Variants in CNKSR2 observed in about 807,000 individuals in gnomAD.
The protein encoded by CNKSR2 is connector enhancer of kinase suppressor of Ras 2, also known as CNK homolog protein 2.
Under a neutral mutation model 84.4 loss-of-function variants are expected in CNKSR2, and 14 were observed. The ratio of observed to expected loss-of-function variants is 0.17; its 90% confidence interval spans 0.11 to 0.26. CNKSR2 has a LOEUF of 0.26. CNKSR2 is among the 10% of genes least tolerant of loss of function. The probability of loss-of-function intolerance (pLI) is 1.00; values close to 1 mark genes in which losing one functional copy is unlikely to be tolerated. For missense variants in CNKSR2, 485 were observed against 771.2 expected (o/e 0.63, Z 4.40); for synonymous variants, 275 against 277.9 (o/e 0.99, Z 0.10).
chrX:21,561,516 G>A lies in CNKSR2; in HGVS notation c.1349G>A (p.Gly450Glu). ...ISMPVEYNWV[G>E]DYEDPNKMKR... ...ATGCCAGTGGAATATAATTGGGTGG[G>A]GGACTATGAAGATCCAAATAAGATG... The change falls in exon 12 of 22, where the codon GGG becomes GAG. Residue 450 changes from glycine (G) to glutamate (E), a missense_variant. Coordinates refer to ENST00000379510, the MANE Select transcript of CNKSR2 (RefSeq NM_014927.5). 8.3e-7 allele frequency: 1 copy of A among 1,206,833 alleles called. No homozygotes were observed. Among genetic ancestry groups the A allele is most frequent in the Non-Finnish European group, 1.1e-6 (1 of 892,001 alleles).
At chrX:21,378,439 CATCT>C (rs2089851221) in intron 1 of CNKSR2, among the ~76,000 whole-genome samples, 1 of 111,123 alleles carries the variant, frequency 9.0e-6, no homozygotes, top group Non-Finnish European at 1.9e-5. Flanking sequence ...ATTTTTCCTC[CATCT>C]GTTATTCTAA....
chrX:21,481,497 T>C (rs1202982721), intron 5 of CNKSR2, among the ~76,000 whole-genome samples: 1 of 111,793 alleles, frequency 8.9e-6, no homozygotes, highest in Non-Finnish European at 1.9e-5. Context: ...TGTCCCCTGG[T>C]ATATAACTGC....
At chrX:21,512,569 A>G (rs1403350874) in intron 8 of CNKSR2, among the ~76,000 whole-genome samples, 1 of 111,417 alleles carries the variant, frequency 9.0e-6, no homozygotes. Flanking sequence ...GCAAAAGACT[A>G]GAAGCAGAAA....
intron 1 of CNKSR2, among the ~76,000 whole-genome samples, chrX:21,393,655 A>G (rs1011262532): frequency 4.4e-5 from 5 of 112,456 alleles, no homozygotes; most frequent in African/African-American, 1.6e-4. Context: ...AAATTGTGTG[A>G]TTTGCATGAC....
At chrX:21,603,725 C>T (rs1373844246) in intron 18 of CNKSR2, among the ~76,000 whole-genome samples, 1 of 112,374 alleles carries the variant, frequency 8.9e-6, no homozygotes, top group Non-Finnish European at 1.9e-5. Context: ...TGTATTTTTT[C>T]CAGCTTCAAG....
intron 11 of CNKSR2, chrX:21,538,318 TTC>T (rs1349105980): frequency 2.1e-4 from 23 of 111,939 alleles, no homozygotes; most frequent in African/African-American, 7.4e-4. Flanking sequence ...CTGATGGAGG[TTC>T]TTTTTATGTG....
At chrX:21,615,607 TAA>T (rs1464324416) in intron 20 of CNKSR2, among the ~76,000 whole-genome samples, 2 of 112,034 alleles carry the variant, frequency 1.8e-5, no homozygotes, top group Non-Finnish European at 3.8e-5. Flanking sequence ...TGACACATTA[TAA>T]GTCTGTCCAG....
chrX:21,496,844 A>G (rs1307903915), intron 6 of CNKSR2, among the ~76,000 whole-genome samples: 1 of 111,262 alleles, frequency 9.0e-6, no homozygotes, highest in Non-Finnish European at 1.9e-5. Context: ...AGTATTTTGA[A>G]ATGCAAACCA....
intron 6 of CNKSR2, chrX:21,492,832 C>G (rs746894184): frequency 8.9e-6 from 1 of 111,835 alleles, no homozygotes; most frequent in Non-Finnish European, 1.9e-5. Flanking sequence ...AACTCAGTCA[C>G]GTTTAAGTAA....
In CNKSR2 at chrX:21,561,559, AG is replaced by A; in HGVS notation, c.1393+1del. 1 of 1,181,881 alleles carries A rather than the reference AG, an allele frequency of 8.5e-7. No homozygotes were observed. Among genetic ancestry groups the A allele is most frequent in the East Asian group, 3.0e-5 (1 of 33,547 alleles). ...ATAAGATGAAGAGAGATAGTAGAAGAGGTAAGTGTTCTAGAATTTCAGTGTA... is the reference window on the plus strand; with the variant it reads ...ATAAGATGAAGAGAGATAGTAGAAGAGTAAGTGTTCTAGAATTTCAGTGTA... ...PNKMKRDSRR[E>X]NSLLRYMSNE... is the part of the protein sequence containing the mutation. On this transcript the variant is annotated frameshift_variant and splice_region_variant, in exon 12 of 22. Coordinates refer to ENST00000379510, the MANE Select transcript of CNKSR2 (RefSeq NM_014927.5). LOFTEE classifies it high-confidence loss of function.
intron 1 of CNKSR2, among the ~76,000 whole-genome samples, chrX:21,392,799 T>C (rs748275625): frequency 5.4e-5 from 6 of 111,658 alleles, no homozygotes; most frequent in Non-Finnish European, 1.1e-4. Flanking sequence ...TTTCATCTTA[T>C]AATGAGTCCG....
At chrX:21,403,418 A>G (rs1182239320) in intron 1 of CNKSR2, among the ~76,000 whole-genome samples, 1 of 111,886 alleles carries the variant, frequency 8.9e-6, no homozygotes. Flanking sequence ...ATTTTATCAT[A>G]CGAACTTTAG....
chrX:21,398,665 G>A (rs1333135405), intron 1 of CNKSR2, among the ~76,000 whole-genome samples: 1 of 111,880 alleles, frequency 8.9e-6, no homozygotes, highest in Non-Finnish European at 1.9e-5. Context: ...ATTGGCAGCC[G>A]CCTGGGCTCT....
intron 17 of CNKSR2, among the ~76,000 whole-genome samples, chrX:21,600,236 G>T (rs1429289695): frequency 1.8e-5 from 2 of 112,144 alleles, no homozygotes; most frequent in Non-Finnish European, 3.8e-5. Flanking sequence ...CATAAATGAT[G>T]AAATATGAGT....
chrX:21,642,109 T>C, intron 20 of CNKSR2: 1 of 750,709 alleles, frequency 1.3e-6, no homozygotes, highest in Non-Finnish European at 1.6e-6. Context: ...TTTTTAAAAC[T>C]TGACGTGCTG....
intron 20 of CNKSR2, among the ~76,000 whole-genome samples, chrX:21,625,552 C>CT (rs1181460555): frequency 8.9e-6 from 1 of 111,908 alleles, no homozygotes; most frequent in African/African-American, 3.2e-5. Flanking sequence ...CATCCTGAGT[C>CT]TAAGATTTTG....
At chrX:21,548,857 A>C (rs1406722024) in intron 11 of CNKSR2, among the ~76,000 whole-genome samples, 5 of 112,346 alleles carry the variant, frequency 4.5e-5, no homozygotes, top group Non-Finnish European at 9.4e-5. Flanking sequence ...AAAGGCCTCC[A>C]GTAAAATTCA....
intron 11 of CNKSR2, among the ~76,000 whole-genome samples, chrX:21,555,635 AACTATACTC>A (rs1391771765): frequency 9.0e-6 from 1 of 111,646 alleles, no homozygotes; most frequent in African/African-American, 3.2e-5. Context: ...CATATAGCTT[AACTATACTC>A]ACTATACTCA....
chrX:21,516,364 T>G, intron 8 of CNKSR2, 121 bp from the exon 9 acceptor site: 1 of 708,138 alleles, frequency 1.4e-6, no homozygotes, highest in Non-Finnish European at 2.1e-6. Flanking sequence ...CTCCTGAAAA[T>G]TGATAGGATG....
Sources: gnomAD v4.1 joint callset for allele counts (sites outside exome capture counted in the v4.1 genomes callset) on GRCh38, gnomAD v4.1.1 for gene constraint, MANE v1.5 for transcripts, NCBI Gene and HGNC (gene_info 2026-07-23, HGNC 2026-07-21) for gene names.